Variants in XKR4 observed in about 807,000 individuals in gnomAD.
XKR4 encodes XK-related protein 4.
Under a neutral mutation model 53.9 loss-of-function variants are expected in XKR4, and 12 were observed. The ratio of observed to expected loss-of-function variants is 0.22; its 90% CI spans 0.14 to 0.36. The LOEUF (loss-of-function observed/expected upper bound fraction) is 0.36. Among genes scored for constraint, XKR4 ranks in the 10% least tolerant of loss-of-function variants. XKR4 has a pLI of 1.00. For missense variants in XKR4, 799 were observed against 859.5 expected (o/e 0.93, Z 0.88); for synonymous variants, 354 against 362.4 (o/e 0.98, Z 0.26).
At chr8:55,141,277 A>G (rs1223990346) in intron 1 of XKR4, among the ~76,000 whole-genome samples, 3 of 152,044 alleles carry the variant, frequency 2.0e-5, no homozygotes, top group African/African-American at 7.2e-5. Flanking sequence ...CTCTGCCTCC[A>G]GCCCCCTCTC....
At chr8:55,244,896 C>T (rs983809855) in intron 1 of XKR4, among the ~76,000 whole-genome samples, 36 of 113,836 alleles carry the variant, frequency 3.2e-4, no homozygotes, top group Non-Finnish European at 6.0e-4. Context: ...CCTTTGCCAA[C>T]ATTTTTTTTT....
rs71256534 is a variant in XKR4, at chr8:55,396,399, G to GTTTTTTTTT, written c.1006+38533_1006+38541dup. Among the ~76,000 whole-genome samples, 345 of 88,696 alleles carry GTTTTTTTTT rather than the reference G, an allele frequency of 3.9e-3. 20 individuals carry two copies. Among genetic ancestry groups the GTTTTTTTTT allele is most frequent in the African/African-American group, 9.5e-3 (194 of 20,318 alleles). The allele number at this position is 88,696 out of a possible 152,430, so 58.2% of individuals were successfully genotyped here. Reference sequence around the variant, plus strand: ...TTTTTTTGTGTTTTTTTTTTGTTTGGTTTTTTTTTTTTTTTTTTTGCAGAG... The same window carrying GTTTTTTTTT: ...TTTTTTTGTGTTTTTTTTTTGTTTGGTTTTTTTTTTTTTTTTTTTTTTTTTTTTGCAGAG... On this transcript the variant is annotated intron_variant, in intron 2 of 2. Transcript: ENST00000327381.
In XKR4 at chr8:55,524,138, G is replaced by A. The variant is rs370341934; in HGVS notation, c.1864G>A (p.Ala622Thr). ...LDRSLRKAIL[A>T]FECSPSPPRL... ...CCGAAGCCTCCGAAAGGCTATTTTAGCTTTTGAATGTTCCCCATCTCCTCC... is the reference window on the plus strand; with the variant it reads ...CCGAAGCCTCCGAAAGGCTATTTTAACTTTTGAATGTTCCCCATCTCCTCC... The change falls in exon 3 of 3, where the codon GCT becomes ACT. Residue 622 changes from alanine (A) to threonine (T), a missense_variant. Ala to Thr is a moderately conservative substitution (Grantham distance 58, BLOSUM62 0). Transcript: ENST00000327381. 119 of 1,614,118 alleles carry A rather than the reference G, an allele frequency of 7.4e-5. No homozygotes were observed. The highest frequency in any genetic ancestry group is 9.7e-5 in the Non-Finnish European group (114 of 1,180,052).
intron 1 of XKR4, among the ~76,000 whole-genome samples, chr8:55,220,790 A>G (rs1817871208): frequency 6.6e-6 from 1 of 152,224 alleles, no homozygotes; most frequent in Non-Finnish European, 1.5e-5. Context: ...CCACTTACTG[A>G]GTAGGTGATC....
In XKR4 at chr8:55,217,773, G is replaced by GATAGATAGATAT. The variant is rs1554570368; in HGVS notation, c.806+114490_806+114491insTATAGATAGATA. On this transcript the variant is annotated intron_variant, in intron 1 of 2. Coordinates refer to ENST00000327381, the MANE Select transcript of XKR4 (RefSeq NM_052898.2). The stretch of plus-strand genomic sequence containing the variant: ...AGATAGATAGATAGATAGATAGATA[G>GATAGATAGATAT]ATAGATAGATAGATACACACAGATA... Among the ~76,000 whole-genome samples the GATAGATAGATAT allele has an allele frequency of 2.0e-5, 3 of 149,946 alleles. No homozygotes were observed. In the East Asian group the frequency reaches 5.8e-4, roughly 29 times the overall value.
chr8:55,400,783 G>A (rs1175334380), intron 2 of XKR4, among the ~76,000 whole-genome samples: 1 of 152,168 alleles, frequency 6.6e-6, no homozygotes, highest in East Asian at 1.9e-4. Flanking sequence ...AATCTGGGGT[G>A]GTCGTGCCTT....
At chr8:55,406,406 T>A (rs1407818291) in intron 2 of XKR4, among the ~76,000 whole-genome samples, 1 of 152,198 alleles carries the variant, frequency 6.6e-6, no homozygotes, top group Non-Finnish European at 1.5e-5. Flanking sequence ...ATGAGGTAGA[T>A]GCTGTCACCA....
intron 1 of XKR4, among the ~76,000 whole-genome samples, chr8:55,340,042 TCCTAAAAGAA>T (rs1803518825): frequency 6.6e-6 from 1 of 152,202 alleles, no homozygotes; most frequent in South Asian, 2.1e-4. Flanking sequence ...TCAAATTATA[TCCTAAAAGAA>T]TACGTGTACA....
rs374731341 is a variant in XKR4 at position 55,346,795 on chromosome 8, T to A, written c.807-10883T>A. ...CTGGAATCACTGTTTAGTAATGTTGTTTATTTAAAGATCTTCTGCACAGAT... is the reference window on the plus strand; with the variant it reads ...CTGGAATCACTGTTTAGTAATGTTGATTATTTAAAGATCTTCTGCACAGAT... On this transcript the variant is annotated intron_variant, in intron 1 of 2. Coordinates refer to ENST00000327381, the MANE Select transcript of XKR4 (RefSeq NM_052898.2). Among the ~76,000 whole-genome samples, 67 of 152,152 alleles carry A rather than the reference T, an allele frequency of 4.4e-4. No individual in the cohort carries two copies. The South Asian group carries it at 0.012, about 27-fold the overall frequency.
chr8:55,490,853 G>T (rs2129402144), intron 2 of XKR4, among the ~76,000 whole-genome samples: 1 of 152,058 alleles, frequency 6.6e-6, no homozygotes, highest in South Asian at 2.1e-4. Context: ...TCTGCTTGTG[G>T]TTTGTTGAGA....
At chr8:55,299,530 T>A (rs4629845) in intron 1 of XKR4, among the ~76,000 whole-genome samples, 1 of 152,154 alleles carries the variant, frequency 6.6e-6, no homozygotes, top group African/African-American at 2.4e-5. Context: ...AAAGACAATG[T>A]CTTAAAGATA....
At chr8:55,410,157 C>G (rs1804753039) in intron 2 of XKR4, among the ~76,000 whole-genome samples, 1 of 152,168 alleles carries the variant, frequency 6.6e-6, no homozygotes, top group African/African-American at 2.4e-5. Context: ...GCCCTCTCCT[C>G]CCATTTCTTG....
At chr8:55,464,131 C>A (rs1805715227) in intron 2 of XKR4, among the ~76,000 whole-genome samples, 1 of 152,270 alleles carries the variant, frequency 6.6e-6, no homozygotes, top group South Asian at 2.1e-4. Context: ...TTTTATGTGG[C>A]CAGGATCATC....
chr8:55,293,661 T>C (rs551826070), intron 1 of XKR4, among the ~76,000 whole-genome samples: 16 of 152,174 alleles, frequency 1.1e-4, no homozygotes, highest in Non-Finnish European at 1.9e-4. Context: ...AGGAAGAAAC[T>C]GTAAAAGCTT....
chr8:55,461,829 A>G (rs2939651), intron 2 of XKR4, among the ~76,000 whole-genome samples: 62,277 of 152,100 alleles, frequency 0.41, 13,378 homozygotes, highest in East Asian at 0.53. Context: ...TGACGAATGC[A>G]CAAGCCTCAG....
chr8:55,264,172 C>G (rs1157644088), intron 1 of XKR4, among the ~76,000 whole-genome samples: 1 of 152,160 alleles, frequency 6.6e-6, no homozygotes, highest in Non-Finnish European at 1.5e-5. Flanking sequence ...GCTGGAGGCT[C>G]TTCCCCTGCA....
At chr8:55,201,318 T>C (rs561239151) in intron 1 of XKR4, among the ~76,000 whole-genome samples, 2 of 152,224 alleles carry the variant, frequency 1.3e-5, no homozygotes, top group Admixed American at 1.3e-4. Flanking sequence ...AAAATTGTCA[T>C]GTCACTGGGA....
intron 1 of XKR4, among the ~76,000 whole-genome samples, chr8:55,205,881 T>C (rs1817641090): frequency 1.3e-5 from 2 of 152,154 alleles, no homozygotes; most frequent in African/African-American, 4.8e-5. Context: ...TTCTTAAAGA[T>C]GGTGTGTCCA....
intron 1 of XKR4, among the ~76,000 whole-genome samples, chr8:55,103,910 A>T: frequency 7.2e-6 from 1 of 139,608 alleles, no homozygotes; most frequent in Non-Finnish European, 1.5e-5. Context: ...AGCATGATTC[A>T]GTAAGCTTTA....
Sources: gnomAD v4.1 joint callset for allele counts (sites outside exome capture counted in the v4.1 genomes callset) on GRCh38, gnomAD v4.1.1 for gene constraint, MANE v1.5 for transcripts, NCBI Gene and HGNC (gene_info 2026-07-23, HGNC 2026-07-21) for gene names.